AKR1B15: variants seen among roughly 807,000 people sequenced by gnomAD.
The protein encoded by AKR1B15 is aldo-keto reductase family 1 member B15, also known as estradiol 17-beta-dehydrogenase AKR1B15.
Under a neutral mutation model 38.5 loss-of-function variants are expected in AKR1B15, and 49 were observed. That is an observed-to-expected ratio of 1.27 (90% CI 1.01 to 1.62). AKR1B15 has a LOEUF of 1.62. Ranked by LOEUF, AKR1B15 falls within the 40% of genes most tolerant of loss-of-function variation. The pLI is 0.00. For missense variants in AKR1B15, 411 were observed against 381.6 expected, an observed-to-expected ratio of 1.08 and a Z score of -0.64; for synonymous variants, 137 against 135.5, an observed-to-expected ratio of 1.01 and a Z score of -0.08.
At chr7:134,570,413 C>T (rs1344070571) in intron 5 of AKR1B15, 1 of 152,190 alleles carries the variant, frequency 6.6e-6, no homozygotes, top group African/African-American at 2.4e-5. Context: ...CTGTGATCCA[C>T]ACCCTATTTG....
At chr7:134,553,037 C>G (rs1794043179) in intron 1 of AKR1B15, among the ~76,000 whole-genome samples, 1 of 135,214 alleles carries the variant, frequency 7.4e-6, no homozygotes, top group African/African-American at 2.6e-5. Flanking sequence ...GGTATCAGGT[C>G]CCAGCCAAGA....
intron 1 of AKR1B15, among the ~76,000 whole-genome samples, 191 bp downstream of exon 1, chr7:134,549,440 T>C (rs187354403): frequency 3.3e-5 from 5 of 152,158 alleles, no homozygotes; most frequent in African/African-American, 1.2e-4. Flanking sequence ...GAGATCTCTG[T>C]TTTAGAATGG....
At chr7:134,560,282 C>T (rs139907346) in intron 2 of AKR1B15, among the ~76,000 whole-genome samples, 229 of 152,248 alleles carry the variant, frequency 1.5e-3, no homozygotes, top group African/African-American at 5.3e-3. Context: ...ATGCTGCTAC[C>T]TATGAACAAG....
chr7:134,579,450 C>A lies in AKR1B15; in HGVS notation c.993-57C>A, dbSNP rs551757660. The A allele has an allele frequency of 3.8e-5, 55 of 1,436,340 alleles. No individual in the cohort carries two copies. In the African/African-American group the frequency reaches 6.1e-4, roughly 16 times the overall value. 89.0% of individuals were successfully genotyped at this position (1,436,340 alleles called of 1,614,324 possible). A position where few individuals can be genotyped will look rare whatever the true frequency, so the allele number is the denominator to read the frequency against. ...CCACCAGAGAAGAATACCTTCTCAG[C>A]GAGAGTTGTTGCTTTGATGGAACAC... On this transcript the variant is annotated intron_variant, in intron 11 of 11. Coordinates refer to ENST00000457545, the MANE Select transcript of AKR1B15 (RefSeq NM_001080538.3).
intron 2 of AKR1B15, among the ~76,000 whole-genome samples, chr7:134,563,501 T>C (rs1425466830): frequency 6.6e-6 from 1 of 152,106 alleles, no homozygotes; most frequent in Non-Finnish European, 1.5e-5. Context: ...TGAGCCAAGA[T>C]CACACCACTG....
At position 134,577,703 on chromosome 7, in the gene AKR1B15, G is replaced by A. The variant is rs770896688; in HGVS notation, c.910-1G>A. The A allele has an allele frequency of 2.5e-6, 4 of 1,613,634 alleles. No individual in the cohort carries two copies. Among genetic ancestry groups the A allele is most frequent in the Middle Eastern group, 1.7e-4 (1 of 6,058 alleles). On this transcript the variant is annotated splice_acceptor_variant, in intron 10 of 11. Transcript: ENST00000457545. LOFTEE classifies it high-confidence loss of function. ...ATGTATTGGAATTCTTTCCTTTCTA[G>A]GTCTTTGACTTTAAATTGAGTGATG...
chr7:134,569,762 A>G, intron 5 of AKR1B15: 1 of 450,270 alleles, frequency 2.2e-6, no homozygotes, highest in Non-Finnish European at 4.0e-6. Context: ...TTCCCCAATC[A>G]GTACTTTTGT....
intron 3 of AKR1B15, 141 bp from the exon 4 acceptor site, chr7:134,568,017 G>A: frequency 2.0e-6 from 2 of 995,848 alleles, no homozygotes; most frequent in Non-Finnish European, 3.0e-6. Flanking sequence ...GGTGGTTGCT[G>A]AGTGTGGTGT....
rs774923025 is a variant in AKR1B15 at position 134,575,508 on chromosome 7, A to G, written c.602A>G (p.Lys201Arg). ...TTCCAGATCGAGAGGCTCTTGAACA[A>G]ACCTGGACTGAAATATAAACCAGTG... ...NHFQIERLLNKPGLKYKPVTN... is the reference protein window; with the variant it reads ...NHFQIERLLNRPGLKYKPVTN... Residue 201 changes from lysine to arginine, a missense_variant, in exon 7 of 12, where the codon AAA becomes AGA. This residue lies in a region of AKR1B15 where 254 missense variants were observed against 212.4 expected (regional missense o/e 1.20). Transcript: ENST00000457545. 6.2e-7 allele frequency: 1 copy of G among 1,613,858 alleles called. No homozygotes were observed. The highest frequency in any genetic ancestry group is 8.5e-7 in the Non-Finnish European group (1 of 1,179,794).
intron 10 of AKR1B15, 103 bp from the exon 11 acceptor site, chr7:134,577,601 T>A: frequency 7.5e-7 from 1 of 1,328,586 alleles, no homozygotes; most frequent in Non-Finnish European, 1.1e-6. Flanking sequence ...ATGGCCAGTT[T>A]GTGCTGTGAA....
intron 1 of AKR1B15, among the ~76,000 whole-genome samples, chr7:134,554,769 C>T (rs578214455): frequency 1.2e-4 from 19 of 152,318 alleles, no homozygotes; most frequent in African/African-American, 4.6e-4. Flanking sequence ...GAAACTGCTA[C>T]CACGGTAGTT....
intron 10 of AKR1B15, among the ~76,000 whole-genome samples, chr7:134,577,421 C>T (rs976385317): frequency 5.9e-5 from 9 of 152,140 alleles, no homozygotes; most frequent in African/African-American, 2.2e-4. Context: ...GAAGTGTCCT[C>T]TAGAAGCACC....
chr7:134,563,241 T>A (rs886240613), intron 2 of AKR1B15, among the ~76,000 whole-genome samples: 1 of 152,170 alleles, frequency 6.6e-6, no homozygotes, highest in Non-Finnish European at 1.5e-5. Context: ...GTGGCCAGGC[T>A]CCAGCTCTTC....
intron 2 of AKR1B15, among the ~76,000 whole-genome samples, chr7:134,562,849 T>TCTTTCTTC (rs1794441654): frequency 3.2e-5 from 3 of 95,212 alleles, no homozygotes. Context: ...TTTCTTTCTT[T>TCTTTCTTC]CTTTCTTTCT....
At chr7:134,566,423 G>A (rs1794536542) in intron 3 of AKR1B15, among the ~76,000 whole-genome samples, 1 of 152,222 alleles carries the variant, frequency 6.6e-6, no homozygotes, top group Admixed American at 6.5e-5. Context: ...TGCTGGGACT[G>A]CAGAGAGCCT....
At chr7:134,561,033 T>G (rs566978051) in intron 2 of AKR1B15, among the ~76,000 whole-genome samples, 16 of 152,348 alleles carry the variant, frequency 1.1e-4, no homozygotes, top group South Asian at 2.1e-4. Flanking sequence ...CAGTGGTCTA[T>G]TCCCAGAGAA....
At chr7:134,557,612 A>G (rs902824379) in intron 2 of AKR1B15, among the ~76,000 whole-genome samples, 2 of 152,124 alleles carry the variant, frequency 1.3e-5, no homozygotes, top group African/African-American at 2.4e-5. Flanking sequence ...TGCGTTTATC[A>G]CTTTGTGATA....
intron 1 of AKR1B15, among the ~76,000 whole-genome samples, chr7:134,552,906 T>TG (rs576359147): frequency 1.8e-3 from 270 of 152,316 alleles, no homozygotes; most frequent in South Asian, 2.7e-3. Flanking sequence ...TTTACCATTC[T>TG]GAGCCAGTCA....
At chr7:134,568,479 C>G (rs1794593349) in intron 4 of AKR1B15, among the ~76,000 whole-genome samples, 154 bp downstream of exon 4, 1 of 152,212 alleles carries the variant, frequency 6.6e-6, no homozygotes, top group Non-Finnish European at 1.5e-5. Context: ...TATCCATACT[C>G]CAAGCCGTTA....
Sources: allele counts gnomAD v4.1 joint callset (sites outside exome capture counted in the v4.1 genomes callset), GRCh38; gene constraint gnomAD v4.1.1; regional missense constraint gnomAD v4.1.1; transcripts MANE v1.5; gene names NCBI Gene and HGNC (gene_info 2026-07-23, HGNC 2026-07-21).